Variants in PCNX2 observed in about 807,000 individuals in gnomAD.
PCNX2 encodes the protein pecanex 2.
In PCNX2, 168 loss-of-function variants were observed where a neutral mutation model predicts 223.8. That is an observed-to-expected ratio of 0.75 (90% CI 0.66 to 0.85). PCNX2 has a LOEUF of 0.85. Ranked by LOEUF, PCNX2 falls within the 40% of genes least tolerant of loss-of-function variation. The pLI is 0.00. For missense variants in PCNX2, 2,507 were observed against 2,675.5 expected (o/e 0.94, Z 1.39); for synonymous variants, 1,006 against 1,052.6 (o/e 0.96, Z 0.86).
intron 22 of PCNX2, among the ~76,000 whole-genome samples, chr1:233,091,755 A>ATTT (rs540148620): frequency 2.2e-5 from 3 of 134,484 alleles, no homozygotes; most frequent in Admixed American, 7.4e-5. Context: ...AAAAATCATG[A>ATTT]TTTTTTTTTT....
At chr1:233,231,015 A>C (rs1658028314) in intron 9 of PCNX2, among the ~76,000 whole-genome samples, 1 of 152,166 alleles carries the variant, frequency 6.6e-6, no homozygotes. Context: ...CCAACTAGTA[A>C]AGTCATAATT....
In PCNX2 at chr1:233,000,290, G is replaced by C. The variant is rs1403311136; in HGVS notation, c.5328+15C>G. Reference sequence around the variant, plus strand: ...CACGAGCCAACAGGGGACCCAGAAAGTGTGGCCGCCATACCTTGATCACCT... The same window carrying C: ...CACGAGCCAACAGGGGACCCAGAAACTGTGGCCGCCATACCTTGATCACCT... On this transcript the variant is annotated intron_variant, in intron 30 of 33. Coordinates refer to ENST00000258229, the MANE Select transcript of PCNX2 (RefSeq NM_014801.4). The surrounding 1 kb of genome is among the most constrained non-coding windows in gnomAD (Gnocchi z 4.6). 1 of 1,612,522 alleles carries C rather than the reference G, an allele frequency of 6.2e-7. No individual in the cohort carries two copies. The highest frequency in any genetic ancestry group is 8.5e-7 in the Non-Finnish European group (1 of 1,178,672).
At chr1:233,092,880 C>T (rs1164988759) in intron 22 of PCNX2, among the ~76,000 whole-genome samples, 2 of 152,174 alleles carry the variant, frequency 1.3e-5, no homozygotes, top group Non-Finnish European at 2.9e-5. Flanking sequence ...CTCACTGCAA[C>T]CTCCGCCTCC....
chr1:233,217,762 A>G lies in PCNX2; in HGVS notation c.2691+137T>C, dbSNP rs115894024. ...CTGGCCACCATGCACTTATATATAT[A>G]TATATTTGATATTTCTATTTTATAT... is the stretch of plus-strand genomic sequence containing the variant. On this transcript the variant is annotated intron_variant, in intron 12 of 33. Coordinates refer to ENST00000258229, the MANE Select transcript of PCNX2 (RefSeq NM_014801.4). The G allele has an allele frequency of 7.0e-3, 5,958 of 856,928 alleles. 270 individuals carry two copies. The African/African-American group carries it at 0.087, about 13-fold the overall frequency. 53.1% of individuals were successfully genotyped at this position (856,928 alleles called of 1,614,324 possible).
chr1:232,996,940 A>G (rs1019586176), intron 32 of PCNX2, among the ~76,000 whole-genome samples: 4 of 152,114 alleles, frequency 2.6e-5, no homozygotes, highest in Non-Finnish European at 4.4e-5. Context: ...TGTTTACTTT[A>G]TGTAAAAATG....
intron 1 of PCNX2, among the ~76,000 whole-genome samples, chr1:233,266,036 G>A (rs1383118117): frequency 6.6e-6 from 1 of 152,196 alleles, no homozygotes; most frequent in Non-Finnish European, 1.5e-5. Context: ...ACAGGCCCTT[G>A]CCTCATCCTC....
intron 6 of PCNX2, 59 bp downstream of exon 6, chr1:233,252,582 A>C: frequency 3.1e-6 from 5 of 1,589,250 alleles, no homozygotes; most frequent in Non-Finnish European, 4.3e-6. Context: ...GAAGCCAGTA[A>C]ATGAGGCTGT....
At chr1:233,225,851 A>G (rs558528167) in intron 10 of PCNX2, among the ~76,000 whole-genome samples, 1 of 152,308 alleles carries the variant, frequency 6.6e-6, no homozygotes, top group African/African-American at 2.4e-5. Flanking sequence ...TTAAGTATTA[A>G]ATGTTCCTTC....
chr1:233,051,245 G>A (rs1289800181), intron 25 of PCNX2, among the ~76,000 whole-genome samples: 1 of 152,224 alleles, frequency 6.6e-6, no homozygotes, highest in East Asian at 1.9e-4. Flanking sequence ...CTGTTGATGG[G>A]AATGTAAATT....
At chr1:233,160,262 A>G in intron 19 of PCNX2, 21 bp downstream of exon 19, 1 of 1,581,644 alleles carries the variant, frequency 6.3e-7, no homozygotes, top group African/African-American at 1.4e-5. Context: ...TTTTTTTTTA[A>G]ATGAGGGATA....
rs562063646 is a variant in PCNX2, at chr1:232,993,742, T to G, written c.5791+4509A>C. Among the ~76,000 whole-genome samples, 4 of 152,342 alleles carry G rather than the reference T, an allele frequency of 2.6e-5. No individual in the cohort carries two copies. In the East Asian group the frequency reaches 5.8e-4, roughly 22 times the overall value. ...GGCCTAGGAGGGAAAAATGGTTTCA[T>G]GGGCTGGGCCACGGACCCCACTATT... On this transcript the variant is annotated intron_variant, in intron 32 of 33. Transcript: ENST00000258229.
At chr1:233,034,206 G>A (rs1190769202) in intron 25 of PCNX2, among the ~76,000 whole-genome samples, 6 of 152,086 alleles carry the variant, frequency 3.9e-5, no homozygotes, top group Admixed American at 6.5e-5. Context: ...GCGAGAATCC[G>A]TCCCAAAAAC....
chr1:233,318,826 T>C, the PCNX2 span, among the ~76,000 whole-genome samples: 1 of 152,060 alleles, frequency 6.6e-6, no homozygotes, highest in Non-Finnish European at 1.5e-5. Flanking sequence ...CACCTCAGCC[T>C]CCCAAAGTGC....
chr1:233,113,357 G>A (rs752340973), intron 21 of PCNX2, among the ~76,000 whole-genome samples: 1 of 152,176 alleles, frequency 6.6e-6, no homozygotes, highest in Non-Finnish European at 1.5e-5. Context: ...AGAAGCCAGA[G>A]GAGGAAATCT....
chr1:233,136,498 G>C (rs1291394981), intron 20 of PCNX2, among the ~76,000 whole-genome samples: 3 of 152,146 alleles, frequency 2.0e-5, no homozygotes. Context: ...CTTGCCCCAG[G>C]ATGTGTGAGG....
intron 1 of PCNX2, among the ~76,000 whole-genome samples, chr1:233,279,312 G>A (rs543843439): frequency 6.6e-6 from 1 of 151,974 alleles, no homozygotes; most frequent in African/African-American, 2.4e-5. Context: ...TCGACCTCCC[G>A]GGCTCAAGTG....
At chr1:233,214,309 A>T (rs1012490695) in intron 12 of PCNX2, among the ~76,000 whole-genome samples, 1 of 152,308 alleles carries the variant, frequency 6.6e-6, no homozygotes, top group South Asian at 2.1e-4. Context: ...CTTCTTTTGC[A>T]GATGAAAAAC....
At chr1:232,988,812 C>G (rs755938914) in intron 32 of PCNX2, among the ~76,000 whole-genome samples, 1 of 152,242 alleles carries the variant, frequency 6.6e-6, no homozygotes, top group African/African-American at 2.4e-5. Flanking sequence ...CCAGCTGTGA[C>G]ATATGCTTTT....
chr1:233,201,355 C>A (rs962745552), intron 13 of PCNX2: 14 of 152,148 alleles, frequency 9.2e-5, no homozygotes, highest in Non-Finnish European at 1.6e-4. Context: ...TATTTCTCAA[C>A]CAAAGCAGAC....
Sources: gnomAD v4.1 joint callset for allele counts (sites outside exome capture counted in the v4.1 genomes callset) on GRCh38, gnomAD v4.1.1 for gene constraint, Gnocchi (gnomAD v3.1) non-coding constraint, MANE v1.5 for transcripts, NCBI Gene and HGNC (gene_info 2026-07-23, HGNC 2026-07-21) for gene names.